The following MYO18B variants were observed in gnomAD, a reference collection of about 807,000 sequenced individuals.
MYO18B encodes unconventional myosin-XVIIIb.
Under a neutral mutation model 273.0 loss-of-function variants are expected in MYO18B, and 204 were observed. The ratio of observed to expected loss-of-function variants is 0.75; its 90% CI spans 0.67 to 0.84. MYO18B has a LOEUF of 0.84. Ranked by LOEUF, MYO18B falls within the 40% of genes least tolerant of loss-of-function variation. The probability of loss-of-function intolerance (pLI) is 0.00; values close to 1 mark genes in which losing one functional copy is unlikely to be tolerated. For synonymous variants in MYO18B, 1,330 were observed against 1,305.7 expected (o/e 1.02, Z -0.40); for missense variants, 3,212 against 3,287.6 (o/e 0.98, Z 0.56).
intron 11 of MYO18B, among the ~76,000 whole-genome samples, chr22:25,787,932 AGTT>A (rs1440260005): frequency 6.6e-6 from 1 of 152,162 alleles, no homozygotes; most frequent in South Asian, 2.1e-4. Context: ...GCAGAAGAGT[AGTT>A]GTTTATTTTC....
At chr22:26,051,318 G>A in the MYO18B span, among the ~76,000 whole-genome samples, 1 of 149,064 alleles carries the variant, frequency 6.7e-6, no homozygotes, top group Non-Finnish European at 1.5e-5. Flanking sequence ...CCACCTCCCG[G>A]GTTCACGCCA....
intron 7 of MYO18B, among the ~76,000 whole-genome samples, chr22:25,773,989 G>A (rs1344519302): frequency 1.3e-5 from 2 of 152,190 alleles, no homozygotes; most frequent in African/African-American, 4.8e-5. Context: ...GACTCACTGG[G>A]AAGTCAGAAG....
At position 26,027,618 on chromosome 22, in the gene MYO18B, A is replaced by G. The variant is rs34167609; in HGVS notation, c.7644A>G (p.Pro2548=). 0.021 allele frequency: 34,215 copies of G among 1,613,850 alleles called. 399 individuals carry two copies. The highest frequency in any genetic ancestry group is 0.025 in the Non-Finnish European group (29,760 of 1,179,828). The change falls in exon 43 of 44, where the codon CCA becomes CCG. Residue 2548 remains proline, a synonymous_variant. Coordinates refer to ENST00000335473, the MANE Select transcript of MYO18B (RefSeq NM_032608.7). The surrounding 1 kb of genome is among the most constrained non-coding windows in gnomAD (Gnocchi z 4.1). The part of the protein sequence containing the change: ...GERTSPERRE[P]GTGRKDDDVA... ...GAACGTCCCCCGAGCGGAGAGAGCC[A>G]GGGACGGGGAGGAAAGACGACGATG...
rs182637615 is a variant in MYO18B at position 25,928,815 on chromosome 22, A to G, written c.5517+7406A>G. On this transcript the variant is annotated intron_variant, in intron 34 of 43. Coordinates refer to ENST00000335473, the MANE Select transcript of MYO18B (RefSeq NM_032608.7). Reference sequence around the variant, plus strand: ...AATCTCAGCTGATTGGGCTGATATAAAGAACACTGGACCATGGATTTGAAA... The same window carrying G: ...AATCTCAGCTGATTGGGCTGATATAGAGAACACTGGACCATGGATTTGAAA... 3.3e-5 allele frequency among the ~76,000 whole-genome samples: 5 copies of G among 152,242 alleles called. No individual in the cohort carries two copies. The East Asian group carries it at 9.7e-4, about 29-fold the overall frequency.
chr22:25,784,229 T>C (rs4822652), intron 10 of MYO18B, among the ~76,000 whole-genome samples: 78,325 of 152,190 alleles, frequency 0.51, 21,349 homozygotes, highest in East Asian at 0.62. Flanking sequence ...TTCTTTCTGC[T>C]TTCCCAGTAC....
chr22:25,990,134 C>T (rs1377118440), intron 39 of MYO18B, among the ~76,000 whole-genome samples: 2 of 151,934 alleles, frequency 1.3e-5, no homozygotes, highest in Admixed American at 6.6e-5. Flanking sequence ...CCTGCTGCCT[C>T]TCTCTCTCTC....
chr22:25,853,772 G>T (rs1434034585), intron 21 of MYO18B, among the ~76,000 whole-genome samples: 1 of 152,124 alleles, frequency 6.6e-6, no homozygotes. Flanking sequence ...CACGCTAGAG[G>T]CCTCAGAAAA....
At chr22:25,954,371 A>G (rs1047960638) in intron 38 of MYO18B, among the ~76,000 whole-genome samples, 1 of 152,088 alleles carries the variant, frequency 6.6e-6, no homozygotes, top group Non-Finnish European at 1.5e-5. Context: ...CATGTGGGGG[A>G]AAGGTTTTTG....
intron 21 of MYO18B, among the ~76,000 whole-genome samples, chr22:25,851,943 C>T (rs940739140): frequency 2.0e-5 from 3 of 152,162 alleles, no homozygotes; most frequent in Admixed American, 1.3e-4. Flanking sequence ...CCCAGAATGA[C>T]CCTTCTGACC....
intron 40 of MYO18B, among the ~76,000 whole-genome samples, chr22:26,000,806 A>G (rs1415045544): frequency 6.6e-6 from 1 of 152,152 alleles, no homozygotes; most frequent in African/African-American, 2.4e-5. Context: ...CTTGGTGTGG[A>G]CAGTATTTCA....
chr22:25,783,463 T>C (rs1218914371), intron 10 of MYO18B, among the ~76,000 whole-genome samples: 1 of 151,940 alleles, frequency 6.6e-6, no homozygotes, highest in East Asian at 1.9e-4. Context: ...CCTCACCTCT[T>C]GGGACCTCCA....
intron 39 of MYO18B, among the ~76,000 whole-genome samples, chr22:25,966,708 C>G (rs2092983399): frequency 6.6e-6 from 1 of 152,192 alleles, no homozygotes; most frequent in Admixed American, 6.5e-5. Context: ...CTGTCACTCC[C>G]CTCCTTCTAG....
chr22:25,997,978 C>CACACACACGAGA (rs34431605), intron 40 of MYO18B, among the ~76,000 whole-genome samples: 29 of 144,636 alleles, frequency 2.0e-4, no homozygotes, highest in African/African-American at 6.9e-4. Context: ...CACACACACA[C>CACACACACGAGA]GAGAGAGAGA....
At chr22:25,788,384 G>A (rs1187655475) in intron 11 of MYO18B, among the ~76,000 whole-genome samples, 1 of 152,148 alleles carries the variant, frequency 6.6e-6, no homozygotes, top group East Asian at 1.9e-4. Context: ...AATCATACAG[G>A]ATGCCCAGTT....
chr22:25,853,606 T>C (rs2090485724), intron 21 of MYO18B, among the ~76,000 whole-genome samples: 1 of 152,224 alleles, frequency 6.6e-6, no homozygotes. Flanking sequence ...ATGGAGCCAC[T>C]GAGAGGGTCT....
At position 25,744,985 on chromosome 22, in the gene MYO18B, C is replaced by T. The variant is rs954157637; in HGVS notation, c.-110+2692C>T. On this transcript the variant is annotated intron_variant, in intron 1 of 43. Coordinates refer to ENST00000335473, the MANE Select transcript of MYO18B (RefSeq NM_032608.7). Reference sequence around the variant, plus strand: ...ACGGCTGGTGTTCAGGGAGCAACCACGAGCCCCTTATGTTAGAAATAATAG... The same window carrying T: ...ACGGCTGGTGTTCAGGGAGCAACCATGAGCCCCTTATGTTAGAAATAATAG... Among the ~76,000 whole-genome samples, 11 of 152,146 alleles carry T rather than the reference C, an allele frequency of 7.2e-5. 1 individual carries two copies. In the South Asian group the frequency reaches 1.5e-3, roughly 20 times the overall value.
intron 6 of MYO18B, among the ~76,000 whole-genome samples, chr22:25,772,075 T>G (rs1345924628): frequency 2.0e-5 from 3 of 152,216 alleles, no homozygotes; most frequent in Admixed American, 6.5e-5. Flanking sequence ...GCGTCTCCCC[T>G]CATGGTGCAT....
intron 39 of MYO18B, among the ~76,000 whole-genome samples, chr22:25,964,464 A>G (rs1307013179): frequency 6.6e-6 from 1 of 152,184 alleles, no homozygotes; most frequent in Non-Finnish European, 1.5e-5. Flanking sequence ...TTCAAGTACA[A>G]TTTTAAAAAA....
intron 40 of MYO18B, among the ~76,000 whole-genome samples, chr22:26,001,670 C>T (rs1305930401): frequency 6.6e-6 from 1 of 152,146 alleles, no homozygotes; most frequent in Non-Finnish European, 1.5e-5. Context: ...AGATCAGCCC[C>T]CTGTGTGGAC....
Sources: allele counts gnomAD v4.1 joint callset (sites outside exome capture counted in the v4.1 genomes callset), GRCh38; gene constraint gnomAD v4.1.1; non-coding constraint Gnocchi (gnomAD v3.1); transcripts MANE v1.5; gene names NCBI Gene and HGNC (gene_info 2026-07-23, HGNC 2026-07-21).